ROBO2: variants seen among roughly 807,000 people sequenced by gnomAD.
ROBO2 encodes roundabout guidance receptor 2, also known as roundabout homolog 2.
ROBO2 carries 53 observed loss-of-function variants against 160.8 expected under a neutral mutation model. That is an observed-to-expected ratio of 0.33 (90% CI 0.26 to 0.41). The LOEUF is 0.41. ROBO2 is among the 10% of genes least tolerant of loss of function. The probability of loss-of-function intolerance (pLI) is 1.00; values close to 1 mark genes in which losing one functional copy is unlikely to be tolerated. For missense variants in ROBO2, 1,577 were observed against 1,722.4 expected (o/e 0.92, Z 1.49); for synonymous variants, 664 against 611.7 (o/e 1.09, Z -1.26).
chr3:77,455,351 T>C (rs576604707), intron 2 of ROBO2, among the ~76,000 whole-genome samples: 1 of 152,296 alleles, frequency 6.6e-6, no homozygotes, highest in East Asian at 1.9e-4. Context: ...ATGGAAAAAT[T>C]ATGACACTAA....
intron 2 of ROBO2, among the ~76,000 whole-genome samples, chr3:76,273,735 T>C (rs1236814605): frequency 6.6e-6 from 1 of 152,034 alleles, no homozygotes; most frequent in Admixed American, 6.6e-5. Flanking sequence ...AGCATGGAGG[T>C]AACCGCCCCT....
intron 2 of ROBO2, among the ~76,000 whole-genome samples, chr3:76,040,035 C>CT (rs1045136759): frequency 4.6e-5 from 7 of 151,886 alleles, no homozygotes; most frequent in South Asian, 2.1e-4. Context: ...CTTTTGTCTT[C>CT]TTTTTTGTGC....
At chr3:77,425,644 C>A (rs1254230155) in intron 2 of ROBO2, among the ~76,000 whole-genome samples, 3 of 150,554 alleles carry the variant, frequency 2.0e-5, no homozygotes, top group Non-Finnish European at 4.4e-5. Context: ...GATGTGCAGA[C>A]CATGCTAACG....
chr3:76,674,836 G>A (rs916932467), intron 2 of ROBO2, among the ~76,000 whole-genome samples: 1 of 151,976 alleles, frequency 6.6e-6, no homozygotes, highest in African/African-American at 2.4e-5. Flanking sequence ...TTGTTTTTGA[G>A]AAAGTCTGGC....
intron 2 of ROBO2, among the ~76,000 whole-genome samples, chr3:77,258,562 T>G (rs7432626): frequency 0.5 from 74,620 of 150,192 alleles, 19,719 homozygotes; most frequent in Middle Eastern, 0.7. Flanking sequence ...GGTTAAGACT[T>G]CAGTGAGCCG....
chr3:77,060,913 C>T (rs1037730993), intron 1 of ROBO2, among the ~76,000 whole-genome samples: 1 of 151,920 alleles, frequency 6.6e-6, no homozygotes. Flanking sequence ...ACCCATCTGA[C>T]CAGCAACCCA....
At chr3:77,393,104 A>G (rs1041687206) in intron 2 of ROBO2, among the ~76,000 whole-genome samples, 1 of 152,140 alleles carries the variant, frequency 6.6e-6, no homozygotes, top group Non-Finnish European at 1.5e-5. Context: ...ATATTTAAGA[A>G]TAAATTTGCA....
intron 5 of ROBO2, among the ~76,000 whole-genome samples, chr3:77,503,971 T>C (rs149584696): frequency 2.6e-5 from 4 of 152,198 alleles, no homozygotes; most frequent in Non-Finnish European, 5.9e-5. Context: ...TATTTCAGGG[T>C]ATACCCTGAT....
intron 2 of ROBO2, among the ~76,000 whole-genome samples, chr3:76,224,095 G>A (rs1704139970): frequency 1.3e-5 from 2 of 152,108 alleles, no homozygotes; most frequent in Admixed American, 1.3e-4. Context: ...TTTCTAATAA[G>A]TCTCTTATTA....
intron 2 of ROBO2, among the ~76,000 whole-genome samples, chr3:77,235,772 T>C (rs926328764): frequency 4.6e-5 from 7 of 152,244 alleles, no homozygotes; most frequent in African/African-American, 7.2e-5. Context: ...AAACAGATTT[T>C]ATTTTTCAAA....
intron 2 of ROBO2, among the ~76,000 whole-genome samples, chr3:76,001,296 A>G (rs185697007): frequency 2.0e-5 from 3 of 152,188 alleles, no homozygotes; most frequent in Admixed American, 6.5e-5. Context: ...AAATATAATT[A>G]TACATTGTTT....
intron 2 of ROBO2, among the ~76,000 whole-genome samples, chr3:76,263,770 G>A (rs942237103): frequency 3.3e-5 from 5 of 152,118 alleles, no homozygotes; most frequent in African/African-American, 7.2e-5. Context: ...ACATGCACGT[G>A]TATGTTTATT....
chr3:76,555,307 C>T (rs1388277072), intron 2 of ROBO2, among the ~76,000 whole-genome samples: 1 of 140,544 alleles, frequency 7.1e-6, no homozygotes, highest in Non-Finnish European at 1.5e-5. Context: ...GAAGAGGTAC[C>T]CAGGAGCATG....
intron 2 of ROBO2, among the ~76,000 whole-genome samples, chr3:76,823,334 A>G (rs1464350228): frequency 6.6e-6 from 1 of 152,190 alleles, no homozygotes; most frequent in Non-Finnish European, 1.5e-5. Flanking sequence ...TCAAAACAGC[A>G]AACTTTAAAA....
At chr3:77,093,236 T>G (rs1405574299) in intron 1 of ROBO2, among the ~76,000 whole-genome samples, 1 of 152,160 alleles carries the variant, frequency 6.6e-6, no homozygotes, top group East Asian at 1.9e-4. Context: ...GATCCTCTAT[T>G]TCTAATACAC....
intron 2 of ROBO2, among the ~76,000 whole-genome samples, chr3:77,018,541 T>C (rs943754050): frequency 3.3e-5 from 5 of 152,226 alleles, no homozygotes; most frequent in Non-Finnish European, 5.9e-5. Flanking sequence ...TTTGAATTCC[T>C]TGAACTCTAA....
Position 77,332,142 on chromosome 3 carries a change from G to A in ROBO2, c.389-145272G>A, listed in dbSNP as rs116661370. ...CCATATGAATGTCTATTCAGATAAC[G>A]ATTCTTATATTGTGTACTATATTAA... On this transcript the variant is annotated intron_variant, in intron 2 of 25. Coordinates refer to ENST00000461745, the Ensembl canonical transcript of ROBO2. Among the ~76,000 whole-genome samples, 760 of 152,258 alleles carry A rather than the reference G, an allele frequency of 5.0e-3. 7 individuals are homozygous for A. Among genetic ancestry groups the A allele is most frequent in the African/African-American group, 0.017 (719 of 41,538 alleles).
At chr3:76,994,425 G>T (rs2060872132) in intron 2 of ROBO2, among the ~76,000 whole-genome samples, 2 of 152,064 alleles carry the variant, frequency 1.3e-5, no homozygotes, top group East Asian at 3.9e-4. Flanking sequence ...TGCTTTTATT[G>T]GTTACTCTTT....
chr3:75,911,549 T>C lies in ROBO2; in HGVS notation c.-14+4589T>C, dbSNP rs187175120. On this transcript the variant is annotated intron_variant, in intron 1 of 26. Transcript: ENST00000487694. ...GTGAAGATCCCTTTCTGAAGCCTTGTTTCTTTTTTTTTTTTTTTTTTTTTT... is the reference window on the plus strand; with the variant it reads ...GTGAAGATCCCTTTCTGAAGCCTTGCTTCTTTTTTTTTTTTTTTTTTTTTT... Among the ~76,000 whole-genome samples, 648 of 119,656 alleles carry C rather than the reference T, an allele frequency of 5.4e-3. 26 individuals are homozygous for C. The East Asian group carries it at 0.063, about 12-fold the overall frequency. 78.5% of individuals were successfully genotyped at this position (119,656 alleles called of 152,430 possible). A position where few individuals can be genotyped will look rare whatever the true frequency, so the allele number is the denominator to read the frequency against.
Sources: gnomAD v4.1 joint callset for allele counts (sites outside exome capture counted in the v4.1 genomes callset) on GRCh38, gnomAD v4.1.1 for gene constraint, MANE v1.5 for transcripts, NCBI Gene and HGNC (gene_info 2026-07-23, HGNC 2026-07-21) for gene names.